Variants in WDR72 observed in about 807,000 individuals in gnomAD.
WDR72 encodes the protein WD repeat domain 72.
Under a neutral mutation model 124.2 loss-of-function variants are expected in WDR72, and 120 were observed. That is an observed-to-expected ratio of 0.97 (90% CI 0.83 to 1.12). The LOEUF (loss-of-function observed/expected upper bound fraction) is 1.12. Ranked by LOEUF, WDR72 falls within the 50% of genes most tolerant of loss-of-function variation. The probability of loss-of-function intolerance (pLI) is 0.00; values close to 1 mark genes in which losing one functional copy is unlikely to be tolerated. For synonymous variants in WDR72, 452 were observed against 441.7 expected (o/e 1.02, Z -0.29); for missense variants, 1,387 against 1,278.8 (o/e 1.08, Z -1.29).
intron 1 of WDR72, among the ~76,000 whole-genome samples, chr15:53,738,646 A>T (rs1267586670): frequency 1.3e-5 from 2 of 152,050 alleles, no homozygotes; most frequent in African/African-American, 4.8e-5. Flanking sequence ...GCCCATGCTG[A>T]AGTGCAATGG....
At chr15:53,526,178 C>A (rs1488765413) in intron 18 of WDR72, among the ~76,000 whole-genome samples, 4 of 152,036 alleles carry the variant, frequency 2.6e-5, no homozygotes, top group African/African-American at 9.7e-5. Context: ...AATGTGCCCT[C>A]ATACAACTTG....
At chr15:53,730,578 T>C (rs893007984) in intron 2 of WDR72, among the ~76,000 whole-genome samples, 1 of 152,146 alleles carries the variant, frequency 6.6e-6, no homozygotes, top group Non-Finnish European at 1.5e-5. Context: ...CTTTCCAAAC[T>C]TAGTATGAAG....
rs1389067277 is a variant in WDR72 at position 53,665,613 on chromosome 15, G to T, written c.1921C>A (p.Pro641Thr). The T allele has an allele frequency of 6.2e-7, 1 of 1,613,734 alleles. No individual in the cohort carries two copies. Among genetic ancestry groups the T allele is most frequent in the Non-Finnish European group, 8.5e-7 (1 of 1,179,838 alleles). ...QRSSSPYQLGPLPCPGLQVES... is the reference protein window; with the variant it reads ...QRSSSPYQLGTLPCPGLQVES... The stretch of plus-strand genomic sequence containing the variant: ...ACCTGCAGACCAGGGCAAGGTAATG[G>T]CCCAAGCTGGTAGGGGCTGGAGGAT... Residue 641 changes from proline (P) to threonine (T), a missense_variant, in exon 14 of 20, where the codon CCA (proline) becomes ACA (threonine). Coordinates refer to ENST00000360509, the MANE Select transcript of WDR72 (RefSeq NM_182758.4).
Position 53,584,568 on chromosome 15 carries a change from G to C in WDR72, c.3148+12511C>G, listed in dbSNP as rs538394769. 2.6e-5 allele frequency among the ~76,000 whole-genome samples: 4 copies of C among 152,010 alleles called. No homozygotes were observed. The South Asian group carries it at 6.2e-4, about 24-fold the overall frequency. ...CAAATAAAACACTAAATAGATACTTGGACAAAATTTGGACACAGGGTTTCT... is the reference window on the plus strand; with the variant it reads ...CAAATAAAACACTAAATAGATACTTCGACAAAATTTGGACACAGGGTTTCT... On this transcript the variant is annotated intron_variant, in intron 18 of 19. Coordinates refer to ENST00000360509, the MANE Select transcript of WDR72 (RefSeq NM_182758.4).
chr15:53,630,828 T>C (rs2014397830), intron 14 of WDR72, among the ~76,000 whole-genome samples: 1 of 152,222 alleles, frequency 6.6e-6, no homozygotes, highest in Non-Finnish European at 1.5e-5. Context: ...TTGTTAGTTC[T>C]ATTTAACATT....
intron 14 of WDR72, among the ~76,000 whole-genome samples, chr15:53,636,236 C>T (rs1484494375): frequency 6.6e-6 from 1 of 152,118 alleles, no homozygotes; most frequent in Admixed American, 6.5e-5. Context: ...CAATCAAGAT[C>T]GAGTTCCAGA....
At chr15:53,748,608 C>A (rs1199966488) in intron 1 of WDR72, among the ~76,000 whole-genome samples, 5 of 152,128 alleles carry the variant, frequency 3.3e-5, no homozygotes, top group African/African-American at 1.2e-4. Flanking sequence ...GAGGTAGTTC[C>A]TCATATCCCA....
chr15:53,547,055 A>G (rs1893505668), intron 18 of WDR72, among the ~76,000 whole-genome samples: 1 of 152,242 alleles, frequency 6.6e-6, no homozygotes. Context: ...GATATGACAA[A>G]ATACATAAGC....
upstream of WDR72, among the ~76,000 whole-genome samples, chr15:53,762,029 TA>T (rs2019071490): frequency 6.6e-6 from 1 of 151,884 alleles, no homozygotes; most frequent in Non-Finnish European, 1.5e-5. Context: ...CTTTTTTTTT[TA>T]AGGTTTCTCA....
At chr15:53,726,710 G>T (rs181098926) in intron 2 of WDR72, among the ~76,000 whole-genome samples, 41 of 151,980 alleles carry the variant, frequency 2.7e-4, no homozygotes, top group East Asian at 7.8e-4. Context: ...TGGGCATGGT[G>T]GCGCACATCT....
At chr15:53,579,382 T>G (rs1463640504) in intron 18 of WDR72, among the ~76,000 whole-genome samples, 1 of 152,138 alleles carries the variant, frequency 6.6e-6, no homozygotes, top group Non-Finnish European at 1.5e-5. Context: ...AGCATTCTCC[T>G]TTTAAGTTTT....
intron 13 of WDR72, among the ~76,000 whole-genome samples, chr15:53,685,855 G>A (rs1490745545): frequency 3.1e-5 from 4 of 128,318 alleles, no homozygotes; most frequent in Middle Eastern, 3.6e-3. Context: ...GACTAACAGC[G>A]GATCTCTCAC....
In WDR72 at chr15:53,570,843, T is replaced by A. The variant is rs142976171; in HGVS notation, c.3148+26236A>T. On this transcript the variant is annotated intron_variant, in intron 18 of 19. Coordinates refer to ENST00000360509, the MANE Select transcript of WDR72 (RefSeq NM_182758.4). ...TGGGATGATCCCAGGTGCCCATCAA[T>A]GGTGAATTGGATAAAGAAAATGTGG... 1.6e-4 allele frequency among the ~76,000 whole-genome samples: 24 copies of A among 152,218 alleles called. No individual in the cohort carries two copies. In the East Asian group the frequency reaches 4.6e-3, roughly 29 times the overall value.
chr15:53,680,609 C>G (rs985752814), intron 13 of WDR72, among the ~76,000 whole-genome samples: 1 of 152,196 alleles, frequency 6.6e-6, no homozygotes, highest in Admixed American at 6.5e-5. Context: ...ATTAAATCTT[C>G]TTATCTTAGT....
chr15:53,761,580 C>T (rs2019064573), upstream of WDR72, among the ~76,000 whole-genome samples: 1 of 152,164 alleles, frequency 6.6e-6, no homozygotes, highest in Non-Finnish European at 1.5e-5. Context: ...AATCCCAGCG[C>T]TTTAGGAGGC....
rs147751465 is a variant in WDR72 at position 53,712,170 on chromosome 15, T to C, written c.711+602A>G. Among the ~76,000 whole-genome samples the C allele has an allele frequency of 2.6e-5, 4 of 152,352 alleles. No homozygotes were observed. The East Asian group carries it at 5.8e-4, about 22-fold the overall frequency. ...AAACAATTTAGAGCTAAATATTCAT[T>C]GTTATTATGGTTTGTTACTAAAATT... On this transcript the variant is annotated intron_variant, in intron 7 of 19. Transcript: ENST00000360509.
At chr15:53,733,772 A>G (rs1400538004) in intron 1 of WDR72, among the ~76,000 whole-genome samples, 2 of 152,170 alleles carry the variant, frequency 1.3e-5, no homozygotes, top group African/African-American at 2.4e-5. Context: ...TACTACATTC[A>G]TATGTTAGTT....
At chr15:53,583,501 C>T (rs1233150485) in intron 18 of WDR72, among the ~76,000 whole-genome samples, 1 of 151,996 alleles carries the variant, frequency 6.6e-6, no homozygotes, top group African/African-American at 2.4e-5. Context: ...CAGCATTAAA[C>T]ACAAACCACT....
chr15:53,659,288 G>A (rs1048668050), intron 14 of WDR72, among the ~76,000 whole-genome samples: 1 of 152,236 alleles, frequency 6.6e-6, no homozygotes, highest in South Asian at 2.1e-4. Context: ...ATATGGATCC[G>A]GTGTTAACTA....
Sources: gnomAD v4.1 joint callset for allele counts (sites outside exome capture counted in the v4.1 genomes callset) on GRCh38, gnomAD v4.1.1 for gene constraint, MANE v1.5 for transcripts, NCBI Gene and HGNC (gene_info 2026-07-23, HGNC 2026-07-21) for gene names.